ZDHHC15: variants seen among roughly 807,000 people sequenced by gnomAD.
The protein encoded by ZDHHC15 is palmitoyltransferase ZDHHC15.
Under a neutral mutation model 31.7 loss-of-function variants are expected in ZDHHC15, and 19 were observed. That is an observed-to-expected ratio of 0.60 (90% CI 0.42 to 0.88). The LOEUF is 0.88. Among genes scored for constraint, ZDHHC15 ranks in the 40% least tolerant of loss-of-function variants. ZDHHC15 has a pLI of 0.00. For missense variants in ZDHHC15, 209 were observed against 251.2 expected (o/e 0.83, Z 1.14); for synonymous variants, 103 against 90.0 (o/e 1.14, Z -0.82).
At chrX:75,442,890 G>A (rs1457255669) in intron 4 of ZDHHC15, among the ~76,000 whole-genome samples, 1 of 106,083 alleles carries the variant, frequency 9.4e-6, no homozygotes, top group East Asian at 3.0e-4. Context: ...GGAGGCTGAG[G>A]CAGGAGAATG....
intron 3 of ZDHHC15, among the ~76,000 whole-genome samples, chrX:75,468,751 A>G (rs2084453836): frequency 8.9e-6 from 1 of 111,818 alleles, no homozygotes; most frequent in African/African-American, 3.2e-5. Flanking sequence ...TCATTCATTT[A>G]TTTAATTTGG....
intron 10 of ZDHHC15, among the ~76,000 whole-genome samples, chrX:75,397,891 C>A (rs1433331794): frequency 1.8e-5 from 2 of 112,112 alleles, no homozygotes; most frequent in Non-Finnish European, 3.8e-5. Flanking sequence ...GAACCCACCC[C>A]ACCAGGGCCT....
chrX:75,488,111 C>T (rs1255115732), intron 2 of ZDHHC15, among the ~76,000 whole-genome samples: 8 of 111,999 alleles, frequency 7.1e-5, no homozygotes, highest in South Asian at 3.7e-4. Flanking sequence ...AGGGAATAAT[C>T]GAGAAAAACT....
At chrX:75,508,755 G>C (rs1456457539) in intron 1 of ZDHHC15, among the ~76,000 whole-genome samples, 1 of 110,880 alleles carries the variant, frequency 9.0e-6, no homozygotes, top group Admixed American at 9.7e-5. Flanking sequence ...CTAGTTTCCA[G>C]TCCCACCAAC....
chrX:75,510,739 A>C, intron 1 of ZDHHC15, among the ~76,000 whole-genome samples: 1 of 69,788 alleles, frequency 1.4e-5, no homozygotes, highest in African/African-American at 5.4e-5. Flanking sequence ...CCCCGACCCC[A>C]CCACAGTCCC....
At chrX:75,495,405 A>C (rs1034289089) in intron 2 of ZDHHC15, among the ~76,000 whole-genome samples, 1 of 111,430 alleles carries the variant, frequency 9.0e-6, no homozygotes, top group Non-Finnish European at 1.9e-5. Flanking sequence ...TAGAAATAGC[A>C]TTTGACCCAG....
chrX:75,453,495 T>A (rs1474329546), intron 3 of ZDHHC15, among the ~76,000 whole-genome samples: 1 of 111,072 alleles, frequency 9.0e-6, no homozygotes, highest in Non-Finnish European at 1.9e-5. Context: ...TGAAACTATT[T>A]CAATTGATAG....
At chrX:75,444,226 C>G (rs1275922602) in intron 4 of ZDHHC15, among the ~76,000 whole-genome samples, 1 of 110,059 alleles carries the variant, frequency 9.1e-6, no homozygotes, top group East Asian at 2.9e-4. Context: ...CCCAAATGTC[C>G]AACAATGATA....
intron 2 of ZDHHC15, among the ~76,000 whole-genome samples, chrX:75,480,606 T>C (rs917007231): frequency 5.4e-5 from 6 of 111,201 alleles, no homozygotes; most frequent in Non-Finnish European, 9.4e-5. Context: ...TTGTGTATCC[T>C]TTATGATTTT....
At chrX:75,518,846 C>A (rs188025781) in intron 1 of ZDHHC15, among the ~76,000 whole-genome samples, 85 of 64,786 alleles carry the variant, frequency 1.3e-3, no homozygotes, top group African/African-American at 4.9e-3. Context: ...CACACACACA[C>A]AATAGACTAT....
In ZDHHC15 at chrX:75,368,879, TAACCCTTTTAGGGAAGTA is replaced by T. The variant is rs748897441; in HGVS notation, c.*4081_*4098del. 16 of 111,887 alleles carry T rather than the reference TAACCCTTTTAGGGAAGTA, an allele frequency of 1.4e-4. No homozygotes were observed. Among genetic ancestry groups the T allele is most frequent in the South Asian group, 3.7e-4 (1 of 2,697 alleles). 9.2% of individuals were successfully genotyped at this position (111,887 alleles called of 1,213,427 possible). ...TTGAACACTGTGCAGGACACAGACC[TAACCCTTTTAGGGAAGTA>T]AACAGTCATGGGTTGCATGCTACTA... On this transcript the variant is annotated 3_prime_UTR_variant, in exon 12 of 12. Transcript: ENST00000373367.
rs932257998 is a variant in ZDHHC15, at chrX:75,417,070, T to A, written c.967+17A>T. 3 of 1,164,719 alleles carry A rather than the reference T, an allele frequency of 2.6e-6. No individual in the cohort carries two copies. Among genetic ancestry groups the A allele is most frequent in the African/African-American group, 3.5e-5 (2 of 56,794 alleles). ...GGTTGTATTAATGTGGACTTCATAG[T>A]CTTTGACCCCACTTACCTTGGTTGT... is the stretch of plus-strand genomic sequence containing the variant. On this transcript the variant is annotated intron_variant, in intron 10 of 11. Transcript: ENST00000373367.
intron 2 of ZDHHC15, among the ~76,000 whole-genome samples, chrX:75,504,782 A>C (rs1487418830): frequency 9.0e-6 from 1 of 111,594 alleles, no homozygotes; most frequent in Non-Finnish European, 1.9e-5. Flanking sequence ...TCTGACCTTA[A>C]GGGTCATGCA....
At chrX:75,477,310 CTT>C (rs2084621271) in intron 3 of ZDHHC15, among the ~76,000 whole-genome samples, 2 of 111,361 alleles carry the variant, frequency 1.8e-5, no homozygotes, top group Middle Eastern at 4.7e-3. Context: ...TCTGCGTACA[CTT>C]AGGAAGAAAG....
rs887878051 is a variant in ZDHHC15, at chrX:75,500,327, T to C, written c.163+5494A>G. Among the ~76,000 whole-genome samples, 4 of 110,039 alleles carry C rather than the reference T, an allele frequency of 3.6e-5. No homozygotes were observed. In the South Asian group the frequency reaches 1.5e-3, roughly 42 times the overall value. On this transcript the variant is annotated intron_variant, in intron 2 of 11. Coordinates refer to ENST00000373367, the MANE Select transcript of ZDHHC15 (RefSeq NM_144969.3). Reference sequence around the variant, plus strand: ...AATCTAGTATACCCATACTATGAAATACTCGGAGATCATTTTAAAATGAAA... The same window carrying C: ...AATCTAGTATACCCATACTATGAAACACTCGGAGATCATTTTAAAATGAAA...
chrX:75,428,879 T>A (rs1444399002), intron 7 of ZDHHC15, among the ~76,000 whole-genome samples, 199 bp downstream of exon 7: 1 of 111,858 alleles, frequency 8.9e-6, no homozygotes, highest in Non-Finnish European at 1.9e-5. Context: ...AGAAACTTGT[T>A]TAACTAGAAT....
At chrX:75,475,740 A>G (rs1366178448) in intron 3 of ZDHHC15, among the ~76,000 whole-genome samples, 14 of 110,897 alleles carry the variant, frequency 1.3e-4, no homozygotes, top group African/African-American at 4.2e-4. Context: ...ATGACTTTTT[A>G]TTTCTGCAAA....
At chrX:75,497,785 G>GATTAAAACC (rs1012080569) in intron 2 of ZDHHC15, among the ~76,000 whole-genome samples, 4 of 111,083 alleles carry the variant, frequency 3.6e-5, no homozygotes, top group African/African-American at 1.3e-4. Context: ...ATCCCTTTAT[G>GATTAAAACC]ATTAAAACCC....
rs1210974771 is a variant in ZDHHC15, at chrX:75,370,100, T to G, written c.*2878A>C. 8.9e-6 allele frequency: 1 copy of G among 111,994 alleles called. No homozygotes were observed. Among genetic ancestry groups the G allele is most frequent in the Admixed American group, 9.5e-5 (1 of 10,542 alleles). The allele number at this position is 111,994 out of a possible 1,213,427, so 9.2% of individuals were successfully genotyped here. Reference sequence around the variant, plus strand: ...GGACAAAAGAATGGAGTACATTATTTTGCTTAGAAATACTGTATGGTTAAG... The same window carrying G: ...GGACAAAAGAATGGAGTACATTATTGTGCTTAGAAATACTGTATGGTTAAG... On this transcript the variant is annotated 3_prime_UTR_variant, in exon 12 of 12. Transcript: ENST00000373367.
Sources: allele counts gnomAD v4.1 joint callset (sites outside exome capture counted in the v4.1 genomes callset), GRCh38; gene constraint gnomAD v4.1.1; transcripts MANE v1.5; gene names NCBI Gene and HGNC (gene_info 2026-07-23, HGNC 2026-07-21).